WWOX: variants seen among roughly 807,000 people sequenced by gnomAD.
WWOX encodes the protein WW domain-containing oxidoreductase.
A neutral mutation model predicts 46.2 loss-of-function variants in WWOX; 69 were observed. The observed-to-expected ratio is 1.49, with a 90% CI of 1.23 to 1.82. The LOEUF (loss-of-function observed/expected upper bound fraction) is 1.82, where lower values mean the gene tolerates loss of function less well. WWOX is among the 40% of genes most tolerant of loss of function. The pLI is 0.00. For synonymous variants in WWOX, 359 were observed against 202.6 expected (o/e 1.77, Z -6.56); for missense variants, 919 against 542.6 (o/e 1.69, Z -6.89).
At chr16:78,965,625 G>C (rs1325133915) in intron 8 of WWOX, among the ~76,000 whole-genome samples, 1 of 151,286 alleles carries the variant, frequency 6.6e-6, no homozygotes, top group Non-Finnish European at 1.5e-5. Context: ...CTTTCCACTA[G>C]AAGATTCTGG....
intron 8 of WWOX, among the ~76,000 whole-genome samples, chr16:78,525,006 C>A (rs1388757268): frequency 2.7e-5 from 4 of 150,376 alleles, no homozygotes; most frequent in Non-Finnish European, 5.9e-5. Flanking sequence ...GCTGGAATTA[C>A]GGGCTCATGC....
chr16:79,128,265 C>A (rs1014541405), intron 8 of WWOX, among the ~76,000 whole-genome samples: 1 of 152,054 alleles, frequency 6.6e-6, no homozygotes, highest in Non-Finnish European at 1.5e-5. Context: ...GAAATCTTTC[C>A]TATCACTTCC....
At chr16:78,263,482 G>A (rs1235798371) in intron 5 of WWOX, among the ~76,000 whole-genome samples, 1 of 152,096 alleles carries the variant, frequency 6.6e-6, no homozygotes, top group Non-Finnish European at 1.5e-5. Flanking sequence ...TGCAGGACAG[G>A]TAAGAACAGC....
At chr16:79,120,135 A>AG (rs1258784037) in intron 8 of WWOX, among the ~76,000 whole-genome samples, 13 of 152,200 alleles carry the variant, frequency 8.5e-5, no homozygotes, top group Non-Finnish European at 1.8e-4. Flanking sequence ...GGCAACCTTT[A>AG]TTTAATCCAA....
intron 8 of WWOX, among the ~76,000 whole-genome samples, chr16:78,939,591 A>G (rs1481202755): frequency 3.9e-5 from 6 of 152,238 alleles, no homozygotes; most frequent in Non-Finnish European, 7.3e-5. Flanking sequence ...GGCTACTGAA[A>G]TGGCTTAGAA....
intron 8 of WWOX, among the ~76,000 whole-genome samples, chr16:78,467,295 T>A (rs2084102860): frequency 6.6e-6 from 1 of 152,214 alleles, no homozygotes; most frequent in East Asian, 1.9e-4. Context: ...GTATGATGTA[T>A]ATACCCATAT....
intron 8 of WWOX, among the ~76,000 whole-genome samples, chr16:78,668,160 A>G (rs2047375903): frequency 6.6e-6 from 1 of 152,076 alleles, no homozygotes; most frequent in Admixed American, 6.5e-5. Context: ...CATGCCTGTA[A>G]TCCCAGCTAC....
chr16:78,572,210 A>T (rs2044732590), intron 8 of WWOX, among the ~76,000 whole-genome samples: 1 of 152,202 alleles, frequency 6.6e-6, no homozygotes, highest in Admixed American at 6.5e-5. Context: ...TAATGGTGGC[A>T]CATTCCTGCA....
At chr16:78,805,426 A>T (rs79580289) in intron 8 of WWOX, among the ~76,000 whole-genome samples, 1 of 104,850 alleles carries the variant, frequency 9.5e-6, no homozygotes, top group Non-Finnish European at 2.0e-5. Flanking sequence ...TCGCCTGGCT[A>T]ATTTTTTTTT....
At chr16:78,727,692 C>T (rs909526648) in intron 8 of WWOX, among the ~76,000 whole-genome samples, 6 of 152,102 alleles carry the variant, frequency 3.9e-5, no homozygotes, top group African/African-American at 1.2e-4. Flanking sequence ...TCAGTAACAA[C>T]TGAAAGGCTA....
intron 8 of WWOX, among the ~76,000 whole-genome samples, chr16:78,970,443 C>G (rs1158098400): frequency 3.3e-5 from 5 of 152,208 alleles, no homozygotes; most frequent in Non-Finnish European, 7.3e-5. Context: ...AACTCTTGCT[C>G]TTGAGCGATC....
intron 8 of WWOX, among the ~76,000 whole-genome samples, chr16:78,952,437 C>T (rs1450114093): frequency 6.7e-6 from 1 of 149,650 alleles, no homozygotes; most frequent in Admixed American, 6.7e-5. Context: ...CGCTGGAGTA[C>T]AGTGGCACGA....
chr16:78,591,425 G>A (rs1367644340), intron 8 of WWOX, among the ~76,000 whole-genome samples: 2 of 152,128 alleles, frequency 1.3e-5, no homozygotes, highest in Non-Finnish European at 2.9e-5. Flanking sequence ...TGGCCAGCAC[G>A]TAGACCTTCC....
At chr16:78,400,579 G>C (rs1428875390) in intron 6 of WWOX, among the ~76,000 whole-genome samples, 2 of 152,090 alleles carry the variant, frequency 1.3e-5, no homozygotes, top group Non-Finnish European at 1.5e-5. Flanking sequence ...TTCCCAACTT[G>C]GCCCATGAAT....
chr16:78,346,681 C>T lies in WWOX; in HGVS notation c.517-40179C>T, dbSNP rs2081099893. Among the ~76,000 whole-genome samples the T allele has an allele frequency of 1.7e-5, 2 of 118,934 alleles. 1 individual carries two copies. The highest frequency in any genetic ancestry group is 4.0e-5 in the Non-Finnish European group (2 of 49,932). The allele number at this position is 118,934 out of a possible 152,430, so 78.0% of individuals were successfully genotyped here. ...AATGATTTTGAACATGAAAACTATG[C>T]TTATTGCTCATATCTATGTTATTTT... On this transcript the variant is annotated intron_variant, in intron 5 of 8. Coordinates refer to ENST00000566780, the MANE Select transcript of WWOX (RefSeq NM_016373.4).
At chr16:78,522,125 G>T (rs1343930908) in intron 8 of WWOX, among the ~76,000 whole-genome samples, 1 of 149,054 alleles carries the variant, frequency 6.7e-6, no homozygotes, top group African/African-American at 2.5e-5. Context: ...GGAGGAGAAG[G>T]GAAGTGATGG....
In WWOX at chr16:78,750,311, A is replaced by T. The variant is rs867675267; in HGVS notation, c.1056+317559A>T. ...AGAAATGAGAGGCACAAAATTTCAT[A>T]GCTGTCTTGCCCCTCCTGTGGTCTG... is the stretch of plus-strand genomic sequence containing the variant. On this transcript the variant is annotated intron_variant, in intron 8 of 8. Transcript: ENST00000566780. Among the ~76,000 whole-genome samples, 284 of 152,246 alleles carry T rather than the reference A, an allele frequency of 1.9e-3. 1 individual carries two copies. The highest frequency in any genetic ancestry group is 6.3e-3 in the African/African-American group (261 of 41,548).
intron 8 of WWOX, among the ~76,000 whole-genome samples, chr16:78,646,720 C>A (rs1013656928): frequency 6.6e-6 from 1 of 152,106 alleles, no homozygotes; most frequent in Non-Finnish European, 1.5e-5. Context: ...TTGTGCCTGG[C>A]GTATATATTT....
chr16:79,058,094 A>G (rs187145927), intron 8 of WWOX, among the ~76,000 whole-genome samples: 1 of 146,950 alleles, frequency 6.8e-6, no homozygotes, highest in Non-Finnish European at 1.5e-5. Context: ...AGAGTAGGAG[A>G]TATATCTTAC....
Sources: gnomAD v4.1 joint callset for allele counts (sites outside exome capture counted in the v4.1 genomes callset) on GRCh38, gnomAD v4.1.1 for gene constraint, MANE v1.5 for transcripts, NCBI Gene and HGNC (gene_info 2026-07-23, HGNC 2026-07-21) for gene names.